Variants in ADAP1 observed in about 807,000 individuals in gnomAD.
ADAP1 encodes arf-GAP with dual PH domain-containing protein 1.
A neutral mutation model predicts 54.9 loss-of-function variants in ADAP1; 31 were observed. That is an observed-to-expected ratio of 0.56 (90% CI 0.42 to 0.76). The LOEUF (loss-of-function observed/expected upper bound fraction) is 0.76. Ranked by LOEUF, ADAP1 falls within the 30% of genes least tolerant of loss-of-function variation. ADAP1 has a pLI of 0.00. For missense variants in ADAP1, 535 were observed against 512.4 expected, an observed-to-expected ratio of 1.04 and a Z score of -0.42; for synonymous variants, 313 against 202.6, an observed-to-expected ratio of 1.55 and a Z score of -4.63.
chr7:928,333 C>T (rs892131161), intron 2 of ADAP1, among the ~76,000 whole-genome samples: 3 of 152,074 alleles, frequency 2.0e-5, no homozygotes, highest in African/African-American at 7.2e-5. Flanking sequence ...CACTGCACTC[C>T]AGCTTGGGAA....
At position 926,386 on chromosome 7, in the gene ADAP1, C is replaced by A. The variant is rs1374811111; in HGVS notation, c.305+167G>T. Among the ~76,000 whole-genome samples the A allele has an allele frequency of 7.7e-6, 1 of 129,886 alleles. No homozygotes were observed. The highest frequency in any genetic ancestry group is 1.7e-5 in the Non-Finnish European group (1 of 57,964). The allele number at this position is 129,886 out of a possible 152,430, so 85.2% of individuals were successfully genotyped here. Reference sequence around the variant, plus strand: ...CCCCAGAACCAAAGCCCGGTGGTGGCCAGCAGACACAGGCGGCACCTCGGG... The same window carrying A: ...CCCCAGAACCAAAGCCCGGTGGTGGACAGCAGACACAGGCGGCACCTCGGG... On this transcript the variant is annotated intron_variant, in intron 3 of 10. Transcript: ENST00000265846. This position sits in a 1 kb window ranked among gnomAD's most constrained non-coding sequence, Gnocchi z 4.6.
intron 4 of ADAP1, among the ~76,000 whole-genome samples, chr7:915,028 C>T (rs1169158636): frequency 2.6e-5 from 4 of 151,862 alleles, no homozygotes; most frequent in Admixed American, 2.0e-4. Context: ...CTCTGGGGCC[C>T]GAGGCCCTCT....
chr7:920,546 C>T lies in ADAP1; in HGVS notation c.306-496G>A, dbSNP rs937502140. 2.6e-5 allele frequency among the ~76,000 whole-genome samples: 4 copies of T among 152,076 alleles called. No homozygotes were observed. The East Asian group carries it at 7.7e-4, about 29-fold the overall frequency. On this transcript the variant is annotated intron_variant, in intron 3 of 10. Transcript: ENST00000265846. This position sits in a 1 kb window ranked among gnomAD's most constrained non-coding sequence, Gnocchi z 4.5. ...CCGTGCCGCCCTCCACCCGCCGTGCCGCCCTCCACGTGGTTCTGAGACACA... is the reference window on the plus strand; with the variant it reads ...CCGTGCCGCCCTCCACCCGCCGTGCTGCCCTCCACGTGGTTCTGAGACACA...
Position 938,420 on chromosome 7 carries a change from G to A in ADAP1, c.83-2915C>T, listed in dbSNP as rs1479156257. Reference sequence around the variant, plus strand: ...TGGGCTTGAACTCCTGGGCTCAAGCGATCCTCCTGTCTTGGCCTCCTAAAG... The same window carrying A: ...TGGGCTTGAACTCCTGGGCTCAAGCAATCCTCCTGTCTTGGCCTCCTAAAG... On this transcript the variant is annotated intron_variant, in intron 1 of 10. Transcript: ENST00000265846. The surrounding 1 kb of genome is among the most constrained non-coding windows in gnomAD (Gnocchi z 4.4). 2.0e-5 allele frequency among the ~76,000 whole-genome samples: 3 copies of A among 152,136 alleles called. No individual in the cohort carries two copies. Among genetic ancestry groups the A allele is most frequent in the East Asian group, 1.9e-4 (1 of 5,188 alleles).
intron 2 of ADAP1, among the ~76,000 whole-genome samples, chr7:930,552 C>T (rs1311883417): frequency 6.6e-6 from 1 of 151,592 alleles, no homozygotes; most frequent in Admixed American, 6.6e-5. Context: ...GGCGCGGTGG[C>T]TCACGTCTGT....
intron 3 of ADAP1, among the ~76,000 whole-genome samples, chr7:925,221 A>C (rs1471827700): frequency 6.6e-6 from 1 of 151,854 alleles, no homozygotes; most frequent in Admixed American, 6.6e-5. Context: ...ACACACCTCC[A>C]GCCCCTGCTC....
At position 954,611 on chromosome 7, in the gene ADAP1, T is replaced by A. The variant is rs1847344227; in HGVS notation, c.-134A>T. The A allele has an allele frequency of 1.0e-6, 1 of 980,878 alleles. No homozygotes were observed. The highest frequency in any genetic ancestry group is 1.2e-6 in the Non-Finnish European group (1 of 828,708). 60.8% of individuals were successfully genotyped at this position (980,878 alleles called of 1,614,324 possible). On this transcript the variant is annotated 5_prime_UTR_variant, in exon 1 of 11. Coordinates refer to ENST00000265846, the MANE Select transcript of ADAP1 (RefSeq NM_006869.4). ...CGGGCGGCCTCAGCCCGCGCGCCGG[T>A]TCCGCATTCCCGCCGCCCTCTGGGC...
chr7:955,311 G>A, upstream of ADAP1: 2 of 1,550,238 alleles, frequency 1.3e-6, no homozygotes, highest in Middle Eastern at 1.7e-4. Flanking sequence ...AGACTCGCGT[G>A]CCCTTCCTCT....
intron 4 of ADAP1, among the ~76,000 whole-genome samples, chr7:918,899 G>A (rs1647327323): frequency 6.9e-6 from 1 of 145,514 alleles, no homozygotes; most frequent in South Asian, 2.2e-4. Context: ...TAAATGAGAT[G>A]CCAGGAGAAG....
At chr7:925,692 G>A (rs996664732) in intron 3 of ADAP1, among the ~76,000 whole-genome samples, 5 of 152,256 alleles carry the variant, frequency 3.3e-5, no homozygotes, top group African/African-American at 9.6e-5. Context: ...AGCCAGCAAC[G>A]GCACGTGGGC....
At position 904,422 on chromosome 7, in the gene ADAP1, C is replaced by T. The variant is rs3824076; in HGVS notation, c.502-150G>A. ...TTAAGCGCTCTGAGCCTTGGCCTCC[C>T]GGTCTGTAAGCAGAAGGTAACAGCA... is the stretch of plus-strand genomic sequence containing the variant. On this transcript the variant is annotated intron_variant, in intron 5 of 10. Coordinates refer to ENST00000265846, the MANE Select transcript of ADAP1 (RefSeq NM_006869.4). 390 of 978,526 alleles carry T rather than the reference C, an allele frequency of 4.0e-4. 5 individuals are homozygous for T. In the East Asian group the frequency reaches 5.5e-3, roughly 14 times the overall value. 60.6% of individuals were successfully genotyped at this position (978,526 alleles called of 1,614,324 possible).
intron 6 of ADAP1, chr7:903,895 A>C: frequency 4.0e-6 from 2 of 501,618 alleles, no homozygotes; most frequent in Non-Finnish European, 3.5e-6. Context: ...GGCCCTGGGA[A>C]GCTGCCTTCC....
At chr7:928,728 G>A (rs985677588) in intron 2 of ADAP1, among the ~76,000 whole-genome samples, 1 of 152,254 alleles carries the variant, frequency 6.6e-6, no homozygotes, top group African/African-American at 2.4e-5. Flanking sequence ...AGAATGTGGA[G>A]TGATCAGAGC....
intron 1 of ADAP1, among the ~76,000 whole-genome samples, chr7:944,551 G>A (rs1847091727): frequency 6.6e-6 from 1 of 152,168 alleles, no homozygotes; most frequent in South Asian, 2.1e-4. Flanking sequence ...ACCGAGCCCG[G>A]CCTATTTTTA....
chr7:941,320 A>G (rs1846934087), intron 1 of ADAP1, among the ~76,000 whole-genome samples: 1 of 152,228 alleles, frequency 6.6e-6, no homozygotes, highest in African/African-American at 2.4e-5. Flanking sequence ...GCAATAAGGC[A>G]ATATAAAGAA....
At chr7:914,356 C>A (rs1010146137) in intron 4 of ADAP1, among the ~76,000 whole-genome samples, 8 of 152,190 alleles carry the variant, frequency 5.3e-5, no homozygotes, top group Admixed American at 1.3e-4. Flanking sequence ...TCGCCACTGC[C>A]GTGATAAAGG....
chr7:925,727 G>A (rs573405420), intron 3 of ADAP1, among the ~76,000 whole-genome samples: 38 of 152,380 alleles, frequency 2.5e-4, no homozygotes, highest in South Asian at 8.3e-4. Flanking sequence ...GAGGCCAGGC[G>A]CCCGCCGCTT....
rs777524048 is a variant in ADAP1, at chr7:904,139, T to G, written c.635A>C (p.His212Pro). ...DNSTRNIFIY[H>P]EDGKEIVDWF... ...GCCAGCACCCACCTTCCCGTCCTCA[T>G]GGTAGATGAAGATGTTACGGGTGCT... The change falls in exon 6 of 11, where the codon CAT (histidine) becomes CCT (proline). Residue 212 changes from histidine (H) to proline (P), a missense_variant. Coordinates refer to ENST00000265846, the MANE Select transcript of ADAP1 (RefSeq NM_006869.4). The G allele has an allele frequency of 6.2e-7, 1 of 1,612,092 alleles. No homozygotes were observed.
chr7:935,677 C>CCT (rs1554277055), intron 1 of ADAP1, among the ~76,000 whole-genome samples, 172 bp from the exon 2 acceptor site: 1 of 151,628 alleles, frequency 6.6e-6, no homozygotes, highest in African/African-American at 2.4e-5. Context: ...CAGCTCCCCC[C>CCT]CCGCCCTCTG....
Sources: gnomAD v4.1 joint callset for allele counts (sites outside exome capture counted in the v4.1 genomes callset) on GRCh38, gnomAD v4.1.1 for gene constraint, Gnocchi (gnomAD v3.1) non-coding constraint, MANE v1.5 for transcripts, NCBI Gene and HGNC (gene_info 2026-07-23, HGNC 2026-07-21) for gene names.